EIF3H: variants seen among roughly 807,000 people sequenced by gnomAD.
The protein encoded by EIF3H is eIF-3-gamma.
Under a neutral mutation model 44.2 loss-of-function variants are expected in EIF3H, and 26 were observed. That is an observed-to-expected ratio of 0.59 (90% confidence interval 0.43 to 0.82). The LOEUF is 0.82. Ranked by LOEUF, EIF3H falls within the 40% of genes least tolerant of loss-of-function variation. EIF3H has a pLI of 0.00. For missense variants in EIF3H, 359 were observed against 432.8 expected (o/e 0.83, Z 1.51); for synonymous variants, 166 against 151.9 (o/e 1.09, Z -0.68).
chr8:116,669,863 C>T (rs146634029), intron 2 of EIF3H, among the ~76,000 whole-genome samples: 1 of 150,728 alleles, frequency 6.6e-6, no homozygotes, highest in Non-Finnish European at 1.5e-5. Flanking sequence ...CCACACACTC[C>T]ACCCATCCTT....
chr8:116,755,711 G>A lies in EIF3H; in HGVS notation c.87C>T (p.Gly29=). The A allele has an allele frequency of 6.2e-7, 1 of 1,614,050 alleles. No homozygotes were observed. Residue 29 remains glycine (G), a synonymous_variant, in exon 1 of 8, where the codon GGC becomes GGT. Transcript: ENST00000521861. ...GCTTCACGGCTGAATCTCCCGAGCC[G>A]CCTTTGCCTTTGCCTTTCCCTGCTG... ...AGAAGKGKGK[G]GSGDSAVKQV...
chr8:116,753,400 A>AT (rs1160381993), intron 1 of EIF3H, among the ~76,000 whole-genome samples: 1 of 151,928 alleles, frequency 6.6e-6, no homozygotes, highest in Admixed American at 6.6e-5. Flanking sequence ...TAAGCTTCTG[A>AT]TTTTTTTTAT....
intron 2 of EIF3H, among the ~76,000 whole-genome samples, chr8:116,667,307 T>C (rs746845556): frequency 3.7e-4 from 57 of 152,176 alleles, no homozygotes; most frequent in Non-Finnish European, 6.6e-4. Flanking sequence ...GAAATTTTCA[T>C]GTGGGGCTTC....
intron 1 of EIF3H, among the ~76,000 whole-genome samples, chr8:116,728,623 C>T (rs1814896095): frequency 1.3e-5 from 2 of 152,052 alleles, no homozygotes; most frequent in Non-Finnish European, 1.5e-5. Flanking sequence ...AATGGAGTAA[C>T]ACCAACTAAT....
chr8:116,672,536 G>A (rs980018225), intron 2 of EIF3H, among the ~76,000 whole-genome samples: 3 of 151,966 alleles, frequency 2.0e-5, no homozygotes, highest in Non-Finnish European at 4.4e-5. Context: ...AGAACGAGGT[G>A]GAAGGATCAC....
intron 2 of EIF3H, among the ~76,000 whole-genome samples, chr8:116,706,985 C>T (rs749467602): frequency 6.6e-6 from 1 of 152,130 alleles, no homozygotes; most frequent in Non-Finnish European, 1.5e-5. Flanking sequence ...CTGGGTTTAT[C>T]GGGACGTGAC....
At position 116,646,560 on chromosome 8, in the gene EIF3H, C is replaced by T. The variant is rs769711692; in HGVS notation, c.872G>A (p.Arg291Gln). 1.7e-5 allele frequency: 28 copies of T among 1,613,974 alleles called. No homozygotes were observed. Among genetic ancestry groups the T allele is most frequent in the East Asian group, 8.9e-5 (4 of 44,898 alleles). ...CTCCTCAGGGAGCGGGGGTTCTCCTCGGCTCTGGCGCTGCATATTCTCCTG... is the reference window on the plus strand; with the variant it reads ...CTCCTCAGGGAGCGGGGGTTCTCCTTGGCTCTGGCGCTGCATATTCTCCTG... ...RQQENMQRQS[R>Q]GEPPLPEEDL... is the part of the protein sequence containing the mutation. Residue 291 changes from arginine to glutamine, a missense_variant, in exon 7 of 8, where the codon CGA becomes CAA. By Grantham distance (43) the Arg-to-Gln change is conservative. Around this residue, in one of 5 missense-constraint regions of EIF3H, gnomAD observed 94 missense variants for 96.0 expected, o/e 0.98. Coordinates refer to ENST00000521861, the MANE Select transcript of EIF3H (RefSeq NM_003756.3).
rs537548624 is a variant in EIF3H, at chr8:116,677,047, T to G, written c.290-18067A>C. Among the ~76,000 whole-genome samples, 27 of 152,216 alleles carry G rather than the reference T, an allele frequency of 1.8e-4. No individual in the cohort carries two copies. In the South Asian group the frequency reaches 5.6e-3, roughly 32 times the overall value. ...AATTTATCCAGCATAATTAAGAATA[T>G]CAAGGAAAGGGGAGAAATTCCTGAT... is the stretch of plus-strand genomic sequence containing the variant. On this transcript the variant is annotated intron_variant, in intron 2 of 7. Transcript: ENST00000521861.
At chr8:116,657,379 G>T in intron 3 of EIF3H, 65 bp from the exon 4 acceptor site, 1 of 1,185,002 alleles carries the variant, frequency 8.4e-7, no homozygotes, top group Non-Finnish European at 1.3e-6. Flanking sequence ...AATGGCATTG[G>T]TTCTAGGCAC....
At chr8:116,763,239 A>G (rs1034261993) in intron 1 of EIF3H, among the ~76,000 whole-genome samples, 4 of 152,212 alleles carry the variant, frequency 2.6e-5, no homozygotes, top group Non-Finnish European at 5.9e-5. Context: ...GTTAAATATG[A>G]TTCAATTTCG....
chr8:116,650,278 G>A (rs1813366949), intron 5 of EIF3H, among the ~76,000 whole-genome samples: 1 of 152,186 alleles, frequency 6.6e-6, no homozygotes, highest in Non-Finnish European at 1.5e-5. Flanking sequence ...CATACACTGG[G>A]AGGGAAGGTA....
At chr8:116,658,238 T>C (rs1813525347) in intron 3 of EIF3H, 1 of 152,234 alleles carries the variant, frequency 6.6e-6, no homozygotes. Flanking sequence ...AGCTGGAAAC[T>C]ATATGCAAGT....
chr8:116,659,120 T>C, intron 2 of EIF3H, 140 bp from the exon 3 acceptor site: 2 of 709,286 alleles, frequency 2.8e-6, no homozygotes, highest in Non-Finnish European at 2.2e-6. Flanking sequence ...TTAAAATTCA[T>C]TCAGTTCACA....
intron 2 of EIF3H, among the ~76,000 whole-genome samples, chr8:116,688,540 C>T (rs1814118794): frequency 2.6e-5 from 4 of 151,766 alleles, no homozygotes; most frequent in Admixed American, 2.6e-4. Flanking sequence ...GTTTAAAAAC[C>T]AACAAAATTA....
chr8:116,650,224 TCTACTGTGGGGTGTTGGCGA>T (rs1813365758), intron 5 of EIF3H, among the ~76,000 whole-genome samples: 1 of 152,154 alleles, frequency 6.6e-6, no homozygotes, highest in Non-Finnish European at 1.5e-5. Flanking sequence ...TAGTTAAAAG[TCTACTGTGGGGTGTTGGCGA>T]GGATGTGGAA....
In EIF3H at chr8:116,644,623, C is replaced by T; in HGVS notation, c.*383G>A. On this transcript the variant is annotated 3_prime_UTR_variant, in exon 8 of 8. Coordinates refer to ENST00000521861, the MANE Select transcript of EIF3H (RefSeq NM_003756.3). ...AAAAAAAAAATATTCACAGTAGATG[C>T]CAGGGCCTCGGGGTCAGGAGCTGGG... 1 of 172,020 alleles carries T rather than the reference C, an allele frequency of 5.8e-6. No individual in the cohort carries two copies. The highest frequency in any genetic ancestry group is 1.2e-5 in the Non-Finnish European group (1 of 81,368). 10.7% of individuals were successfully genotyped at this position (172,020 alleles called of 1,614,324 possible).
At chr8:116,661,330 C>A (rs1161813097) in intron 2 of EIF3H, among the ~76,000 whole-genome samples, 2 of 152,104 alleles carry the variant, frequency 1.3e-5, no homozygotes, top group Admixed American at 6.5e-5. Context: ...ATTTTTAAAT[C>A]AAAACTTATG....
intron 2 of EIF3H, among the ~76,000 whole-genome samples, chr8:116,715,916 A>G (rs17743793): frequency 0.1 from 15,473 of 152,106 alleles, 1,186 homozygotes; most frequent in East Asian, 0.42. Flanking sequence ...GAAAAAGCAT[A>G]TATTCTCTAA....
At chr8:116,648,418 C>T (rs1419926599) in intron 6 of EIF3H, among the ~76,000 whole-genome samples, 1 of 152,142 alleles carries the variant, frequency 6.6e-6, no homozygotes, top group East Asian at 1.9e-4. Context: ...CTCTTAATCA[C>T]AATTGCTCCG....
Sources: gnomAD v4.1 joint callset for allele counts (sites outside exome capture counted in the v4.1 genomes callset) on GRCh38, gnomAD v4.1.1 for gene constraint, gnomAD v4.1.1 regional missense constraint, MANE v1.5 for transcripts, NCBI Gene and HGNC (gene_info 2026-07-23, HGNC 2026-07-21) for gene names.